The following CHD1L variants were observed in gnomAD, a reference collection of about 807,000 sequenced individuals.
CHD1L encodes chromodomain helicase DNA binding protein 1 like.
In CHD1L, 118 loss-of-function variants were observed where a neutral mutation model predicts 115.9. The ratio of observed to expected loss-of-function variants is 1.02; its 90% CI spans 0.88 to 1.19. The LOEUF (loss-of-function observed/expected upper bound fraction) is 1.19, where lower values mean the gene tolerates loss of function less well. CHD1L is among the 50% of genes most tolerant of loss of function. The pLI, the probability that CHD1L is intolerant of heterozygous loss-of-function variation, is 0.00. For synonymous variants in CHD1L, 411 were observed against 387.1 expected (o/e 1.06, Z -0.72); for missense variants, 1,179 against 1,065.3 (o/e 1.11, Z -1.49).
chr1:147,266,018 G>C lies in CHD1L; in HGVS notation c.826G>C (p.Val276Leu). 3 of 1,613,830 alleles carry C rather than the reference G, an allele frequency of 1.9e-6. No homozygotes were observed. Among genetic ancestry groups the C allele is most frequent in the Non-Finnish European group, 2.5e-6 (3 of 1,179,846 alleles). ...TACAGAGCTTCCCAAGAAGACAGAAGTAGTGATATACCATGGCATGTCAGC... is the reference window on the plus strand; with the variant it reads ...TACAGAGCTTCCCAAGAAGACAGAACTAGTGATATACCATGGCATGTCAGC... Reference protein sequence around the residue: ...VATELPKKTEVVIYHGMSALQ... With the variant: ...VATELPKKTELVIYHGMSALQ... Residue 276 changes from valine to leucine, a missense_variant, in exon 8 of 23, where the codon GTA becomes CTA. Transcript: ENST00000369258.
At chr1:147,209,359 A>G in the CHD1L span, among the ~76,000 whole-genome samples, 5,572 of 146,458 alleles carry the variant, frequency 0.038, 146 homozygotes, top group South Asian at 0.096. Flanking sequence ...AATGGCGTCA[A>G]CCTGGGAGGC....
At chr1:147,195,291 A>G in the CHD1L span, among the ~76,000 whole-genome samples, 5,621 of 151,802 alleles carry the variant, frequency 0.037, 159 homozygotes, top group South Asian at 0.096. Context: ...ACCAAACCCA[A>G]ATAATTTTTT....
chr1:147,185,543 G>C, the CHD1L span, among the ~76,000 whole-genome samples: 1 of 152,168 alleles, frequency 6.6e-6, no homozygotes, highest in Non-Finnish European at 1.5e-5. Flanking sequence ...TTCGGTGAAA[G>C]GGCCGGCAAT....
At position 147,242,734 on chromosome 1, in the gene CHD1L, G is replaced by A. The variant is rs782225008; in HGVS notation, c.31G>A (p.Gly11Ser). 2 of 1,260,488 alleles carry A rather than the reference G, an allele frequency of 1.6e-6. No homozygotes were observed. Among genetic ancestry groups the A allele is most frequent in the Non-Finnish European group, 2.0e-6 (2 of 997,172 alleles). The allele number at this position is 1,260,488 out of a possible 1,614,324, so 78.1% of individuals were successfully genotyped here. MERAGATSRG[G>S]QAPGFLLRLH... ...GCGCGCGGGCGCTACTAGCCGCGGGGGCCAAGCCCCTGGCTTCTTACTGCG... is the reference window on the plus strand; with the variant it reads ...GCGCGCGGGCGCTACTAGCCGCGGGAGCCAAGCCCCTGGCTTCTTACTGCG... The change falls in exon 1 of 23, where the codon GGC becomes AGC. Residue 11 changes from glycine to serine, a missense_variant. Transcript: ENST00000369258.
intron 12 of CHD1L, among the ~76,000 whole-genome samples, chr1:147,273,886 G>T (rs1410878044): frequency 2.6e-5 from 4 of 152,150 alleles, no homozygotes; most frequent in African/African-American, 9.7e-5. Flanking sequence ...AAATATTTCT[G>T]TGATGAGTCA....
intron 1 of CHD1L, among the ~76,000 whole-genome samples, chr1:147,248,436 T>G (rs924002563): frequency 6.6e-6 from 1 of 151,986 alleles, no homozygotes. Flanking sequence ...TTGAACTCCC[T>G]ACCTCAGGAG....
Position 147,280,474 on chromosome 1 carries a change from C to T in CHD1L, c.1705+283C>T, listed in dbSNP as rs1680411784. On this transcript the variant is annotated intron_variant, in intron 15 of 22. Transcript: ENST00000369258. ...GGCTTTGAATTTGTACCTTTTCTCC[C>T]TTGGTTGCAAACATCTTCTTCTTTA... is the stretch of plus-strand genomic sequence containing the variant. Among the ~76,000 whole-genome samples, 2 of 152,154 alleles carry T rather than the reference C, an allele frequency of 1.3e-5. 1 individual carries two copies. Among genetic ancestry groups the T allele is most frequent in the South Asian group, 4.1e-4 (2 of 4,832 alleles).
chr1:147,263,718 C>G (rs1471828975), intron 6 of CHD1L, among the ~76,000 whole-genome samples: 1 of 151,954 alleles, frequency 6.6e-6, no homozygotes, highest in East Asian at 1.9e-4. Context: ...GTCTCTCTTA[C>G]TCTTGGTGTT....
chr1:147,269,444 G>A (rs1675257990), intron 10 of CHD1L, among the ~76,000 whole-genome samples: 1 of 152,114 alleles, frequency 6.6e-6, no homozygotes, highest in South Asian at 2.1e-4. Context: ...GCTGAGGTGG[G>A]CGGATCATGA....
At position 147,252,618 on chromosome 1, in the gene CHD1L, T is replaced by A. The variant is rs782479829; in HGVS notation, c.128-5T>A. 5.6e-6 allele frequency: 9 copies of A among 1,612,318 alleles called. No homozygotes were observed. Among genetic ancestry groups the A allele is most frequent in the South Asian group, 2.2e-5 (2 of 90,974 alleles). On this transcript the variant is annotated splice_region_variant and splice_polypyrimidine_tract_variant and intron_variant, in intron 1 of 22. Coordinates refer to ENST00000369258, the MANE Select transcript of CHD1L (RefSeq NM_004284.6). Reference sequence around the variant, plus strand: ...CTTCGGATTTGCTGTATTTTTTGTTTCTAGGGATTCACCTACGCTCTTACC... The same window carrying A: ...CTTCGGATTTGCTGTATTTTTTGTTACTAGGGATTCACCTACGCTCTTACC...
At chr1:147,245,993 A>G (rs1249586714) in intron 1 of CHD1L, among the ~76,000 whole-genome samples, 1 of 152,070 alleles carries the variant, frequency 6.6e-6, no homozygotes, top group East Asian at 1.9e-4. Context: ...GATCCAGAAC[A>G]TTTTCCATCT....
At chr1:147,182,730 G>A in the CHD1L span, among the ~76,000 whole-genome samples, 1 of 152,150 alleles carries the variant, frequency 6.6e-6, no homozygotes, top group African/African-American at 2.4e-5. Flanking sequence ...AGGAGCTGGG[G>A]AATTTGGGAA....
intron 6 of CHD1L, chr1:147,260,512 A>G (rs1671564549): frequency 6.6e-6 from 1 of 152,168 alleles, no homozygotes; most frequent in Non-Finnish European, 1.5e-5. Context: ...GTGAATAAGA[A>G]CCCTACCCCA....
At chr1:147,205,025 G>A in the CHD1L span, 1 of 727,418 alleles carries the variant, frequency 1.4e-6, no homozygotes, top group East Asian at 2.6e-5. Context: ...GATACATTCA[G>A]TCACTCTTCC....
At chr1:147,189,530 C>G in the CHD1L span, among the ~76,000 whole-genome samples, 1 of 152,134 alleles carries the variant, frequency 6.6e-6, no homozygotes, top group African/African-American at 2.4e-5. Flanking sequence ...ATGATTGTGT[C>G]TCTCAGTTTT....
the CHD1L span, chr1:147,210,123 G>T: frequency 1.3e-5 from 2 of 152,336 alleles, no homozygotes; most frequent in Admixed American, 1.3e-4. Flanking sequence ...TAGATGAGGG[G>T]CATGGAAAGG....
the CHD1L span, chr1:147,209,031 T>C: frequency 6.2e-7 from 1 of 1,613,980 alleles, no homozygotes; most frequent in South Asian, 1.1e-5. Context: ...TCCAAGCCCC[T>C]CTCCTGGTGC....
chr1:147,243,924 T>A (rs1374108806), intron 1 of CHD1L, among the ~76,000 whole-genome samples: 1 of 152,220 alleles, frequency 6.6e-6, no homozygotes, highest in African/African-American at 2.4e-5. Context: ...GTGTTCAGCT[T>A]AGAAGACTGA....
chr1:147,208,714 C>T, the CHD1L span: 1 of 637,172 alleles, frequency 1.6e-6, no homozygotes, highest in Admixed American at 2.6e-5. Flanking sequence ...GCTGGGATTA[C>T]AGGCGTGAGC....
Sources: allele counts gnomAD v4.1 joint callset (sites outside exome capture counted in the v4.1 genomes callset), GRCh38; gene constraint gnomAD v4.1.1; transcripts MANE v1.5; gene names NCBI Gene and HGNC (gene_info 2026-07-23, HGNC 2026-07-21).